GUCY1A2: variants seen among roughly 807,000 people sequenced by gnomAD.
GUCY1A2 encodes guanylate cyclase 1 soluble subunit alpha 2.
A neutral mutation model predicts 63.5 loss-of-function variants in GUCY1A2; 27 were observed. That is an observed-to-expected ratio of 0.43 (90% CI 0.31 to 0.59). The LOEUF (loss-of-function observed/expected upper bound fraction) is 0.59, where lower values mean the gene tolerates loss of function less well. GUCY1A2 is among the 20% of genes least tolerant of loss of function. The pLI is 0.11. For synonymous variants in GUCY1A2, 364 were observed against 343.5 expected, an observed-to-expected ratio of 1.06 and a Z score of -0.66; for missense variants, 768 against 913.3, an observed-to-expected ratio of 0.84 and a Z score of 2.05.
At chr11:106,867,945 T>C (rs1208762496) in intron 4 of GUCY1A2, among the ~76,000 whole-genome samples, 2 of 152,024 alleles carry the variant, frequency 1.3e-5, no homozygotes, top group African/African-American at 4.8e-5. Context: ...TGAATTTATA[T>C]GAGAATTGCC....
intron 4 of GUCY1A2, among the ~76,000 whole-genome samples, chr11:106,879,735 A>C (rs1192050449): frequency 6.6e-6 from 1 of 151,998 alleles, no homozygotes; most frequent in Non-Finnish European, 1.5e-5. Context: ...ATTAATTACT[A>C]AGTACCATTT....
intron 7 of GUCY1A2, among the ~76,000 whole-genome samples, chr11:106,700,010 C>T (rs1412046485): frequency 6.6e-6 from 1 of 151,998 alleles, no homozygotes; most frequent in African/African-American, 2.4e-5. Flanking sequence ...GTCTCGATCT[C>T]CTGACTTCGT....
At chr11:106,890,886 G>A (rs1859964560) in intron 4 of GUCY1A2, among the ~76,000 whole-genome samples, 1 of 152,118 alleles carries the variant, frequency 6.6e-6, no homozygotes, top group South Asian at 2.1e-4. Flanking sequence ...CTATTAAAGA[G>A]CAATTGGGTG....
intron 7 of GUCY1A2, among the ~76,000 whole-genome samples, chr11:106,700,941 T>G (rs1353968667): frequency 6.6e-6 from 1 of 152,114 alleles, no homozygotes; most frequent in Non-Finnish European, 1.5e-5. Flanking sequence ...ATAATTATAT[T>G]GACAAAGGAA....
chr11:106,954,836 T>C (rs1860960529), intron 3 of GUCY1A2, among the ~76,000 whole-genome samples: 1 of 152,146 alleles, frequency 6.6e-6, no homozygotes, highest in African/African-American at 2.4e-5. Context: ...TGCTTTCTTG[T>C]TTTTTTCTTT....
At chr11:106,931,725 A>T (rs778795120) in intron 4 of GUCY1A2, among the ~76,000 whole-genome samples, 6 of 152,216 alleles carry the variant, frequency 3.9e-5, no homozygotes, top group Non-Finnish European at 7.3e-5. Flanking sequence ...AAACCAAAAG[A>T]AAAAGAAAGA....
At chr11:106,967,622 C>T (rs1432351310) in intron 3 of GUCY1A2, among the ~76,000 whole-genome samples, 1 of 151,536 alleles carries the variant, frequency 6.6e-6, no homozygotes, top group African/African-American at 2.4e-5. Context: ...TGATGGCAGT[C>T]TAAGCCAGTA....
At chr11:106,869,222 C>G (rs2135462938) in intron 4 of GUCY1A2, among the ~76,000 whole-genome samples, 1 of 152,032 alleles carries the variant, frequency 6.6e-6, no homozygotes, top group Middle Eastern at 3.4e-3. Context: ...TCTAAAACAC[C>G]AAAAGCAATG....
chr11:106,733,087 C>G (rs941200710), intron 6 of GUCY1A2, among the ~76,000 whole-genome samples: 1 of 152,210 alleles, frequency 6.6e-6, no homozygotes, highest in South Asian at 2.1e-4. Context: ...TGTTTTCCAG[C>G]GAGTAACATA....
At chr11:106,964,732 C>A in intron 3 of GUCY1A2, among the ~76,000 whole-genome samples, 1 of 152,158 alleles carries the variant, frequency 6.6e-6, no homozygotes. Context: ...GTAATCCCAG[C>A]ACTTTGGGAG....
At chr11:106,802,361 A>C (rs1322501385) in intron 5 of GUCY1A2, among the ~76,000 whole-genome samples, 4 of 152,156 alleles carry the variant, frequency 2.6e-5, no homozygotes, top group Non-Finnish European at 5.9e-5. Context: ...CACAAAAGAG[A>C]GATACTGTGC....
chr11:106,697,735 C>G (rs1213905120), intron 7 of GUCY1A2, among the ~76,000 whole-genome samples: 1 of 152,160 alleles, frequency 6.6e-6, no homozygotes, highest in African/African-American at 2.4e-5. Context: ...GGCATTAATT[C>G]TGAGAGTGAA....
chr11:106,827,751 A>C, intron 4 of GUCY1A2: 1 of 1,522,128 alleles, frequency 6.6e-7, no homozygotes. Context: ...AACTGCTTTC[A>C]TAACAGGAGA....
intron 6 of GUCY1A2, among the ~76,000 whole-genome samples, chr11:106,709,146 T>TTA (rs1167128398): frequency 1.5e-5 from 2 of 134,552 alleles, no homozygotes; most frequent in African/African-American, 5.5e-5. Flanking sequence ...GTTATATATA[T>TTA]TATATACATG....
At chr11:107,015,217 C>T (rs981598942) in intron 1 of GUCY1A2, among the ~76,000 whole-genome samples, 14 of 152,160 alleles carry the variant, frequency 9.2e-5, no homozygotes, top group African/African-American at 2.6e-4. Flanking sequence ...ATGTTCTCAG[C>T]GTCCACCTGA....
intron 5 of GUCY1A2, among the ~76,000 whole-genome samples, chr11:106,780,137 G>A (rs1036385551): frequency 2.0e-5 from 3 of 152,004 alleles, no homozygotes; most frequent in African/African-American, 7.3e-5. Context: ...CTCCAGACTG[G>A]GTGACAAAGC....
chr11:106,818,130 G>A (rs1005780207), intron 4 of GUCY1A2, among the ~76,000 whole-genome samples: 2 of 152,112 alleles, frequency 1.3e-5, no homozygotes. Flanking sequence ...ATGGATTGTG[G>A]TATATACAAG....
intron 3 of GUCY1A2, among the ~76,000 whole-genome samples, chr11:106,971,094 A>AT (rs959007394): frequency 5.3e-5 from 8 of 152,024 alleles, no homozygotes; most frequent in African/African-American, 1.4e-4. Context: ...GAAACACGGG[A>AT]TTTTTTTTAG....
intron 3 of GUCY1A2, among the ~76,000 whole-genome samples, chr11:106,969,792 T>C (rs1034314673): frequency 6.6e-6 from 1 of 152,110 alleles, no homozygotes; most frequent in African/African-American, 2.4e-5. Context: ...GGTCAATAAG[T>C]AATGTAGCAG....
Sources: allele counts gnomAD v4.1 joint callset (sites outside exome capture counted in the v4.1 genomes callset), GRCh38; gene constraint gnomAD v4.1.1; transcripts MANE v1.5; gene names NCBI Gene and HGNC (gene_info 2026-07-23, HGNC 2026-07-21).